Variants in PTGFRN observed in about 807,000 individuals in gnomAD.
PTGFRN encodes the protein prostaglandin F2 receptor negative regulator.
A neutral mutation model predicts 83.2 loss-of-function variants in PTGFRN; 35 were observed. The ratio of observed to expected loss-of-function variants is 0.42; its 90% CI spans 0.32 to 0.56. PTGFRN has a LOEUF of 0.56. PTGFRN is among the 20% of genes least tolerant of loss of function. The pLI is 0.11. For missense variants in PTGFRN, 1,051 were observed against 1,179.5 expected, an observed-to-expected ratio of 0.89 and a Z score of 1.60; for synonymous variants, 519 against 498.6, an observed-to-expected ratio of 1.04 and a Z score of -0.55.
At chr1:116,979,654 A>G (rs1052505055) in intron 7 of PTGFRN, among the ~76,000 whole-genome samples, 8 of 152,218 alleles carry the variant, frequency 5.3e-5, no homozygotes, top group African/African-American at 1.9e-4. Flanking sequence ...GTGCTGGGAA[A>G]ACTGGCTAGC....
At position 116,949,988 on chromosome 1, in the gene PTGFRN, A is replaced by T. The variant is rs898088127; in HGVS notation, c.1213+416A>T. ...CCCAATGCAGAAAGATAATTCCTTC[A>T]GTTATTAGAAAGCATTTTTTTTTTC... On this transcript the variant is annotated intron_variant, in intron 4 of 8. Coordinates refer to ENST00000393203, the MANE Select transcript of PTGFRN (RefSeq NM_020440.4). Among the ~76,000 whole-genome samples the T allele has an allele frequency of 5.5e-4, 83 of 152,156 alleles. 1 individual carries two copies. Among genetic ancestry groups the T allele is most frequent in the African/African-American group, 1.9e-3 (78 of 41,446 alleles).
chr1:116,987,085 G>A lies in PTGFRN; in HGVS notation c.*118G>A. The A allele has an allele frequency of 1.6e-6, 2 of 1,222,440 alleles. No individual in the cohort carries two copies. The highest frequency in any genetic ancestry group is 1.5e-5 in the African/African-American group (1 of 66,750). The allele number at this position is 1,222,440 out of a possible 1,614,324, so 75.7% of individuals were successfully genotyped here. A position where few individuals can be genotyped will look rare whatever the true frequency, so the allele number is the denominator to read the frequency against. On this transcript the variant is annotated 3_prime_UTR_variant, in exon 9 of 9. Coordinates refer to ENST00000393203, the MANE Select transcript of PTGFRN (RefSeq NM_020440.4). ...AAAAACCAGTCCTCTCTAATCTCAGGTGGGACTTGGCGCTCTCTCTTTTCT... is the reference window on the plus strand; with the variant it reads ...AAAAACCAGTCCTCTCTAATCTCAGATGGGACTTGGCGCTCTCTCTTTTCT...
At chr1:116,971,567 A>T (rs1557747583) in intron 6 of PTGFRN, among the ~76,000 whole-genome samples, 1 of 152,210 alleles carries the variant, frequency 6.6e-6, no homozygotes, top group Non-Finnish European at 1.5e-5. Flanking sequence ...AATTGACCAT[A>T]ATGAAAATAT....
At chr1:116,956,487 A>C (rs1248803127) in intron 4 of PTGFRN, among the ~76,000 whole-genome samples, 1 of 152,256 alleles carries the variant, frequency 6.6e-6, no homozygotes, top group Admixed American at 6.5e-5. Flanking sequence ...GTAGAATGAA[A>C]GAATCTCTTC....
chr1:116,952,342 G>C lies in PTGFRN; in HGVS notation c.1213+2770G>C, dbSNP rs1438224486. On this transcript the variant is annotated intron_variant, in intron 4 of 8. Transcript: ENST00000393203. The surrounding 1 kb of genome is among the most constrained non-coding windows in gnomAD (Gnocchi z 4.0). ...TCCACTGTGCTAAGCAGGAAGACGG[G>C]GCAATGACATGAATGGGCCTGGCAA... is the stretch of plus-strand genomic sequence containing the variant. Among the ~76,000 whole-genome samples the C allele has an allele frequency of 6.6e-6, 1 of 152,082 alleles. No homozygotes were observed. The highest frequency in any genetic ancestry group is 1.5e-5 in the Non-Finnish European group (1 of 68,024).
intron 6 of PTGFRN, 35 bp from the exon 7 acceptor site, chr1:116,974,181 A>G: frequency 6.8e-7 from 1 of 1,469,742 alleles, no homozygotes; most frequent in East Asian, 2.3e-5. Flanking sequence ...AAAGCATGAA[A>G]GAGAATAATG....
intron 7 of PTGFRN, among the ~76,000 whole-genome samples, chr1:116,975,187 G>A (rs546042254): frequency 2.0e-5 from 3 of 152,330 alleles, no homozygotes; most frequent in South Asian, 2.1e-4. Flanking sequence ...AGGGGCACCC[G>A]CCATTGCTGA....
chr1:116,915,704 C>T (rs1649387950), intron 1 of PTGFRN, among the ~76,000 whole-genome samples: 2 of 152,142 alleles, frequency 1.3e-5, no homozygotes, highest in Admixed American at 6.5e-5. Flanking sequence ...ATTGGCACTG[C>T]GTCTGGCAGT....
At chr1:116,938,069 C>T (rs1042762593) in intron 1 of PTGFRN, among the ~76,000 whole-genome samples, 6 of 152,092 alleles carry the variant, frequency 3.9e-5, no homozygotes, top group Non-Finnish European at 8.8e-5. Flanking sequence ...CTGGTTGTCT[C>T]AAAAATTAAA....
At chr1:116,920,413 G>T (rs1309447522) in intron 1 of PTGFRN, among the ~76,000 whole-genome samples, 1 of 152,224 alleles carries the variant, frequency 6.6e-6, no homozygotes, top group Non-Finnish European at 1.5e-5. Flanking sequence ...CCATGAGTAA[G>T]CTGGGGCTGA....
rs767643052 is a variant in PTGFRN, at chr1:116,944,628, C to G, written c.419-51C>G. ...GTTGCAGCGGTGGGCTGGCCCTTGC[C>G]GGCTGGGGTCGGTGTGGACGGGCTA... On this transcript the variant is annotated intron_variant, in intron 2 of 8. Coordinates refer to ENST00000393203, the MANE Select transcript of PTGFRN (RefSeq NM_020440.4). 3.7e-6 allele frequency: 5 copies of G among 1,350,158 alleles called. No homozygotes were observed. In the Admixed American group the frequency reaches 1.3e-4, roughly 36 times the overall value. The allele number at this position is 1,350,158 out of a possible 1,614,324, so 83.6% of individuals were successfully genotyped here.
At chr1:116,982,614 C>A (rs190147083) in intron 7 of PTGFRN, among the ~76,000 whole-genome samples, 3 of 152,066 alleles carry the variant, frequency 2.0e-5, no homozygotes, top group Admixed American at 1.3e-4. Context: ...CAGGAGAACA[C>A]TGAGGGAGGG....
chr1:116,937,331 A>G (rs1237523274), intron 1 of PTGFRN, among the ~76,000 whole-genome samples: 2 of 152,272 alleles, frequency 1.3e-5, no homozygotes, highest in African/African-American at 2.4e-5. Flanking sequence ...GAACAGAGTA[A>G]GATATAACCC....
rs77407357 is a variant in PTGFRN, at chr1:116,951,739, T to C, written c.1213+2167T>C. ...CAGACCATTACAGCTGCTTGGACACTTGTCAGGAGCGGGTAGGGCATGAGC... is the reference window on the plus strand; with the variant it reads ...CAGACCATTACAGCTGCTTGGACACCTGTCAGGAGCGGGTAGGGCATGAGC... On this transcript the variant is annotated intron_variant, in intron 4 of 8. Transcript: ENST00000393203. Among the ~76,000 whole-genome samples the C allele has an allele frequency of 2.0e-5, 3 of 152,254 alleles. No individual in the cohort carries two copies. The East Asian group carries it at 5.8e-4, about 29-fold the overall frequency.
At position 116,944,980 on chromosome 1, in the gene PTGFRN, C is replaced by A; in HGVS notation, c.720C>A (p.Ala240=). The change falls in exon 3 of 9, where the codon GCC becomes GCA. Residue 240 remains alanine (A), a synonymous_variant. Transcript: ENST00000393203. ...TCTCAGTGTCCCGGGCTCTGTCTGCCGACCAGGGCTCCTACAGGTGTATCG... is the reference window on the plus strand; with the variant it reads ...TCTCAGTGTCCCGGGCTCTGTCTGCAGACCAGGGCTCCTACAGGTGTATCG... ...YRLSVSRALS[A]DQGSYRCIVS... is the part of the protein sequence containing the mutation. 1 of 1,613,862 alleles carries A rather than the reference C, an allele frequency of 6.2e-7. No homozygotes were observed. Among genetic ancestry groups the A allele is most frequent in the Non-Finnish European group, 8.5e-7 (1 of 1,180,036 alleles).
At chr1:116,965,581 AGCTCAG>A (rs1296917354) in intron 5 of PTGFRN, among the ~76,000 whole-genome samples, 1 of 151,994 alleles carries the variant, frequency 6.6e-6, no homozygotes, top group Non-Finnish European at 1.5e-5. Flanking sequence ...CACTACACCC[AGCTCAG>A]GTTCTTTTTA....
At chr1:116,985,161 C>T (rs1651428375) in intron 8 of PTGFRN, among the ~76,000 whole-genome samples, 176 bp downstream of exon 8, 1 of 152,214 alleles carries the variant, frequency 6.6e-6, no homozygotes, top group Non-Finnish European at 1.5e-5. Context: ...CTTGCAGTTT[C>T]CCCAGCTTTG....
intron 1 of PTGFRN, among the ~76,000 whole-genome samples, chr1:116,922,692 A>T (rs2101052983): frequency 6.6e-6 from 1 of 152,310 alleles, no homozygotes; most frequent in East Asian, 1.9e-4. Flanking sequence ...GGGTCATTAG[A>T]AAACAGCAGT....
At position 116,986,877 on chromosome 1, in the gene PTGFRN, C is replaced by A. The variant is rs748854692; in HGVS notation, c.2550C>A (p.Ile850=). 6.2e-7 allele frequency: 1 copy of A among 1,614,222 alleles called. No homozygotes were observed. Among genetic ancestry groups the A allele is most frequent in the Non-Finnish European group, 8.5e-7 (1 of 1,180,036 alleles). ...TCATCGGGCTCCTGTCCTGTCTCAT[C>A]GGGTACTGCAGCTCCCACTGGTGTT... The part of the protein sequence containing the change: ...STVIGLLSCL[I]GYCSSHWCCK... The change falls in exon 9 of 9, where the codon ATC becomes ATA. Residue 850 remains isoleucine (I), a synonymous_variant. Transcript: ENST00000393203.
Sources: gnomAD v4.1 joint callset for allele counts (sites outside exome capture counted in the v4.1 genomes callset) on GRCh38, gnomAD v4.1.1 for gene constraint, Gnocchi (gnomAD v3.1) non-coding constraint, MANE v1.5 for transcripts, NCBI Gene and HGNC (gene_info 2026-07-23, HGNC 2026-07-21) for gene names.